GSDMC: variants seen among roughly 807,000 people sequenced by gnomAD.
GSDMC encodes the protein gasdermin C.
GSDMC carries 59 observed loss-of-function variants against 58.0 expected under a neutral mutation model. That is an observed-to-expected ratio of 1.02 (90% CI 0.82 to 1.26). The LOEUF is 1.26. Ranked by LOEUF, GSDMC falls within the 50% of genes most tolerant of loss-of-function variation. GSDMC has a pLI of 0.00. For synonymous variants in GSDMC, 241 were observed against 220.2 expected (o/e 1.09, Z -0.83); for missense variants, 659 against 598.5 (o/e 1.10, Z -1.06).
chr8:129,750,598 A>G (rs748405547), intron 10 of GSDMC, 28 bp from the exon 11 acceptor site: 3 of 1,609,104 alleles, frequency 1.9e-6, no homozygotes, highest in African/African-American at 2.7e-5. Context: ...CGCCGACCAG[A>G]AAGTGGGGAC....
intron 1 of GSDMC, among the ~76,000 whole-genome samples, chr8:129,784,460 A>G (rs1371178372): frequency 1.3e-5 from 2 of 152,184 alleles, no homozygotes; most frequent in Non-Finnish European, 2.9e-5. Flanking sequence ...TCTCAGAGGA[A>G]TACATACAAA....
intron 9 of GSDMC, 91 bp downstream of exon 9, chr8:129,751,771 T>A: frequency 7.4e-7 from 1 of 1,356,676 alleles, no homozygotes; most frequent in Non-Finnish European, 1.1e-6. Flanking sequence ...AGGGCGGTGG[T>A]GGCAAAGGCG....
chr8:129,719,347 C>A, the GSDMC span, among the ~76,000 whole-genome samples: 1 of 151,974 alleles, frequency 6.6e-6, no homozygotes, highest in African/African-American at 2.4e-5. Context: ...GTTTATGTAC[C>A]TAATAATAGA....
the GSDMC span, among the ~76,000 whole-genome samples, chr8:129,739,173 G>A: frequency 6.6e-6 from 1 of 152,176 alleles, no homozygotes; most frequent in Non-Finnish European, 1.5e-5. Context: ...GTCATTCCAG[G>A]CAGAAGGAAC....
chr8:129,715,238 G>A, the GSDMC span, among the ~76,000 whole-genome samples: 6,720 of 152,110 alleles, frequency 0.044, 267 homozygotes, highest in East Asian at 0.19. Context: ...ACTCAGTAGT[G>A]GAAAATAATC....
rs1356810991 is a variant in GSDMC at position 129,760,674 on chromosome 8, C to G, written c.677-85G>C. On this transcript the variant is annotated intron_variant, in intron 5 of 13. Coordinates refer to ENST00000276708, the MANE Select transcript of GSDMC (RefSeq NM_031415.3). ...ACCAGGGAACTCCTTATATCAAAAC[C>G]ACTGGGATGCCTGTTAAATCTGACC... 1.8e-5 allele frequency: 9 copies of G among 492,110 alleles called. No individual in the cohort carries two copies. The East Asian group carries it at 3.7e-4, about 20-fold the overall frequency. 30.5% of individuals were successfully genotyped at this position (492,110 alleles called of 1,614,324 possible).
At chr8:129,728,916 T>A in the GSDMC span, 4 of 662,720 alleles carry the variant, frequency 6.0e-6, no homozygotes, top group Non-Finnish European at 2.9e-6. Context: ...TGAAGCCCAT[T>A]TGAAGGTCAG....
At chr8:129,714,764 G>T in the GSDMC span, among the ~76,000 whole-genome samples, 2,015 of 150,950 alleles carry the variant, frequency 0.013, 37 homozygotes, top group African/African-American at 0.045. Flanking sequence ...GAAAAAAATT[G>T]CCAAAGGAAG....
chr8:129,742,553 ACTCTGTC>A, the GSDMC span, among the ~76,000 whole-genome samples: 1 of 152,008 alleles, frequency 6.6e-6, no homozygotes, highest in Non-Finnish European at 1.5e-5. Flanking sequence ...TCTTCTCTGT[ACTCTGTC>A]CTGAAAACTC....
At chr8:129,728,049 G>C in the GSDMC span, among the ~76,000 whole-genome samples, 1 of 151,960 alleles carries the variant, frequency 6.6e-6, no homozygotes, top group Non-Finnish European at 1.5e-5. Context: ...ACACTTGGCC[G>C]GGACCAGCAG....
chr8:129,766,659 T>C (rs918429640), intron 3 of GSDMC, among the ~76,000 whole-genome samples: 13 of 152,174 alleles, frequency 8.5e-5, no homozygotes, highest in Non-Finnish European at 1.6e-4. Context: ...CCCCTTATCC[T>C]GAAAACACCA....
chr8:129,713,822 T>C, the GSDMC span, among the ~76,000 whole-genome samples: 1 of 152,034 alleles, frequency 6.6e-6, no homozygotes, highest in African/African-American at 2.4e-5. Flanking sequence ...CTTTAATTTA[T>C]AGGCCATAAA....
At chr8:129,783,846 A>G (rs988368309) in intron 1 of GSDMC, among the ~76,000 whole-genome samples, 1 of 152,292 alleles carries the variant, frequency 6.6e-6, no homozygotes, top group South Asian at 2.1e-4. Flanking sequence ...AAATTATACT[A>G]CAGAGCTACA....
intron 6 of GSDMC, among the ~76,000 whole-genome samples, chr8:129,759,180 C>A (rs1293691410): frequency 6.6e-6 from 1 of 152,098 alleles, no homozygotes. Context: ...TAAAACTAGA[C>A]CCCTATCTCT....
At chr8:129,784,953 C>T (rs888381371) in intron 1 of GSDMC, among the ~76,000 whole-genome samples, 1 of 152,180 alleles carries the variant, frequency 6.6e-6, no homozygotes, top group Admixed American at 6.5e-5. Context: ...TGGCTCATGC[C>T]TGTAATCCCA....
chr8:129,746,789 C>A (rs934660468), downstream of GSDMC, among the ~76,000 whole-genome samples: 2 of 152,102 alleles, frequency 1.3e-5, no homozygotes, highest in Admixed American at 1.3e-4. Context: ...AAGGTGTTAC[C>A]TGCTACCTAA....
chr8:129,718,551 T>G, the GSDMC span, among the ~76,000 whole-genome samples: 1 of 152,136 alleles, frequency 6.6e-6, no homozygotes, highest in African/African-American at 2.4e-5. Context: ...GGAGAGGATG[T>G]GGAGAAATTG....
In GSDMC at chr8:129,765,721, T is replaced by C. The variant is rs369469838; in HGVS notation, c.477A>G (p.Thr159=). The change falls in exon 4 of 14, where the codon ACA becomes ACG. Residue 159 remains threonine, a synonymous_variant. Transcript: ENST00000276708. ...RRRGDNLYVV[T]EAVELINNTV... ...TATTGTTGATCAGTTCAACAGCCTC[T>C]GTCACCACGTACAGGTTGTCCCCTC... The C allele has an allele frequency of 1.1e-4, 185 of 1,612,424 alleles. 5 individuals carry two copies. The highest frequency in any genetic ancestry group is 9.4e-4 in the South Asian group (86 of 91,036).
At chr8:129,706,044 A>T in the GSDMC span, among the ~76,000 whole-genome samples, 1 of 152,310 alleles carries the variant, frequency 6.6e-6, no homozygotes, top group South Asian at 2.1e-4. Flanking sequence ...AAGAAATTTT[A>T]AAAATAAATT....
Sources: gnomAD v4.1 joint callset for allele counts (sites outside exome capture counted in the v4.1 genomes callset) on GRCh38, gnomAD v4.1.1 for gene constraint, MANE v1.5 for transcripts, NCBI Gene and HGNC (gene_info 2026-07-23, HGNC 2026-07-21) for gene names.